Variants in SEMA4A observed in about 807,000 individuals in gnomAD.
The protein encoded by SEMA4A is semaphorin 4A, also known as semaphorin-4A.
A neutral mutation model predicts 72.5 loss-of-function variants in SEMA4A; 52 were observed. The observed-to-expected ratio is 0.72, with a 90% CI of 0.57 to 0.90. The LOEUF is 0.90. Ranked by LOEUF, SEMA4A falls within the 40% of genes least tolerant of loss-of-function variation. The pLI is 0.00. For synonymous variants in SEMA4A, 369 were observed against 393.1 expected, an observed-to-expected ratio of 0.94 and a Z score of 0.73; for missense variants, 926 against 959.7, an observed-to-expected ratio of 0.96 and a Z score of 0.46.
In SEMA4A at chr1:156,177,236, C is replaced by T. The variant is rs576580677; in HGVS notation, c.*239C>T. The stretch of plus-strand genomic sequence containing the variant: ...TCTCTAACAGGGTGGGGGCTACCCC[C>T]AGACCTGCTCCTACACTGATATTGA... On this transcript the variant is annotated 3_prime_UTR_variant, in exon 15 of 15. Coordinates refer to ENST00000368285, the MANE Select transcript of SEMA4A (RefSeq NM_022367.4). 1.4e-5 allele frequency: 8 copies of T among 590,846 alleles called. No individual in the cohort carries two copies. The highest frequency in any genetic ancestry group is 4.6e-4 in the Middle Eastern group (1 of 2,194). The allele number at this position is 590,846 out of a possible 1,614,324, so 36.6% of individuals were successfully genotyped here.
chr1:156,175,682 G>A, intron 14 of SEMA4A, 26 bp downstream of exon 14: 1 of 1,520,752 alleles, frequency 6.6e-7, no homozygotes, highest in East Asian at 2.3e-5. Context: ...CTCACCAGGG[G>A]AGGTGCAAAG....
chr1:156,158,373 C>T lies in SEMA4A; in HGVS notation c.364-15C>T, dbSNP rs751388643. ...GTCAGGTGGCCTGGAGACCTAAATT[C>T]TCTGTCTCCCTCAGACACAGTGTTT... is the stretch of plus-strand genomic sequence containing the variant. On this transcript the variant is annotated splice_polypyrimidine_tract_variant and intron_variant, in intron 4 of 14. Coordinates refer to ENST00000368285, the MANE Select transcript of SEMA4A (RefSeq NM_022367.4). 2.5e-6 allele frequency: 4 copies of T among 1,601,320 alleles called. No individual in the cohort carries two copies. The highest frequency in any genetic ancestry group is 2.2e-5 in the South Asian group (2 of 90,832).
At chr1:156,161,322 C>T (rs771213419) in intron 8 of SEMA4A, 24 bp from the exon 9 acceptor site, 7 of 1,100,034 alleles carry the variant, frequency 6.4e-6, no homozygotes, top group East Asian at 3.5e-5. Context: ...CCGGGGCGCC[C>T]CCTGACTCCC....
At position 156,158,531 on chromosome 1, in the gene SEMA4A, C is replaced by T. The variant is rs1160037725; in HGVS notation, c.462+45C>T. ...GCGCTCAGGCCCCCAAGCATCCCTT[C>T]TCACATCTACCCACGACTTTCCTCT... On this transcript the variant is annotated intron_variant, in intron 5 of 14. Transcript: ENST00000368285. 1.0e-5 allele frequency: 15 copies of T among 1,483,824 alleles called. No homozygotes were observed. In the East Asian group the frequency reaches 3.2e-4, roughly 31 times the overall value. The allele number at this position is 1,483,824 out of a possible 1,614,324, so 91.9% of individuals were successfully genotyped here. A position where few individuals can be genotyped will look rare whatever the true frequency, so the allele number is the denominator to read the frequency against.
rs753442457 is a variant in SEMA4A, at chr1:156,156,590, A to T, written c.300+16A>T. 6.2e-7 allele frequency: 1 copy of T among 1,613,482 alleles called. No individual in the cohort carries two copies. The highest frequency in any genetic ancestry group is 1.1e-5 in the South Asian group (1 of 91,046). Reference sequence around the variant, plus strand: ...AAAGAACATGGTGAGGAGTCCAGGGATAAAGAGTGTGGGCTGGGAGTGAAG... The same window carrying T: ...AAAGAACATGGTGAGGAGTCCAGGGTTAAAGAGTGTGGGCTGGGAGTGAAG... On this transcript the variant is annotated intron_variant, in intron 3 of 14. Transcript: ENST00000368285.
chr1:156,172,356 T>C (rs909306535), intron 10 of SEMA4A, among the ~76,000 whole-genome samples: 1 of 152,036 alleles, frequency 6.6e-6, no homozygotes, highest in African/African-American at 2.4e-5. Context: ...CCTCAGGTGA[T>C]CCACCCACCT....
chr1:156,162,259 C>G (rs1653735949), intron 9 of SEMA4A, among the ~76,000 whole-genome samples: 1 of 151,816 alleles, frequency 6.6e-6, no homozygotes, highest in Non-Finnish European at 1.5e-5. Flanking sequence ...GACTCCGTCT[C>G]AAAAAAAATA....
rs1185083836 is a variant in SEMA4A, at chr1:156,176,456, A to C, written c.1745A>C (p.His582Pro). The C allele has an allele frequency of 9.9e-6, 16 of 1,613,922 alleles. No individual in the cohort carries two copies. The highest frequency in any genetic ancestry group is 1.3e-5 in the Non-Finnish European group (15 of 1,180,000). Reference protein sequence around the residue: ...PNSILELPCPHLSALASYYWS... With the variant: ...PNSILELPCPPLSALASYYWS... ...TCCATCCTGGAGCTCCCCTGCCCCC[A>C]CCTGTCAGCCTTGGCCTCTTATTAT... Residue 582 changes from histidine to proline, a missense_variant, in exon 15 of 15, where the codon CAC (histidine) becomes CCC (proline). By Grantham distance (77) the His-to-Pro change is moderately conservative. Transcript: ENST00000368285.
At chr1:156,173,796 G>A (rs929868579) in intron 11 of SEMA4A, among the ~76,000 whole-genome samples, 2 of 152,136 alleles carry the variant, frequency 1.3e-5, no homozygotes, top group African/African-American at 2.4e-5. Flanking sequence ...GGAGGTTTGA[G>A]GAGAGAGAGG....
chr1:156,154,901 A>C, intron 2 of SEMA4A, 184 bp downstream of exon 2: 4 of 797,908 alleles, frequency 5.0e-6, no homozygotes, highest in Non-Finnish European at 3.8e-6. Flanking sequence ...GAAGTCCAAA[A>C]GGAAAGAAAA....
intron 10 of SEMA4A, among the ~76,000 whole-genome samples, chr1:156,168,447 C>T (rs1300420113): frequency 6.6e-6 from 1 of 152,034 alleles, no homozygotes; most frequent in Non-Finnish European, 1.5e-5. Context: ...TGGTCTCGAA[C>T]TCCTGACCTC....
intron 6 of SEMA4A, 28 bp from the exon 7 acceptor site, chr1:156,160,415 T>A: frequency 6.4e-7 from 1 of 1,557,164 alleles, no homozygotes; most frequent in South Asian, 1.1e-5. Flanking sequence ...ACCCCATCAG[T>A]TCTCTCTTCT....
chr1:156,174,821 G>T lies in SEMA4A; in HGVS notation c.1316-1G>T. 6.2e-7 allele frequency: 1 copy of T among 1,614,192 alleles called. No homozygotes were observed. The highest frequency in any genetic ancestry group is 8.5e-7 in the Non-Finnish European group (1 of 1,180,034). On this transcript the variant is annotated splice_acceptor_variant, in intron 11 of 14. Transcript: ENST00000368285. LOFTEE classifies it high-confidence loss of function. ...CTTCCACTCTCTCTGTCTCCCCATA[G>T]CCACAGGGTCGCTCCACAAGGCTGT...
Position 156,154,668 on chromosome 1 carries a change from C to G in SEMA4A, c.90C>G (p.Thr30=). 6.2e-7 allele frequency: 1 copy of G among 1,602,556 alleles called. No homozygotes were observed. Among genetic ancestry groups the G allele is most frequent in the Non-Finnish European group, 8.5e-7 (1 of 1,175,182 alleles). The change falls in exon 2 of 15, where the codon ACC becomes ACG. Residue 30 remains threonine, a synonymous_variant. Coordinates refer to ENST00000368285, the MANE Select transcript of SEMA4A (RefSeq NM_022367.4). ...QLLQLLLPTT[T]AGGGGQGPMP... is the part of the protein sequence containing the mutation. Reference sequence around the variant, plus strand: ...TTCAGCTGCTGCTGCCGACGACGACCGCGGGGGGAGGCGGGCAGGGGCCCA... The same window carrying G: ...TTCAGCTGCTGCTGCCGACGACGACGGCGGGGGGAGGCGGGCAGGGGCCCA...
chr1:156,163,454 G>T (rs1469891863), intron 10 of SEMA4A, among the ~76,000 whole-genome samples: 1 of 151,988 alleles, frequency 6.6e-6, no homozygotes, highest in Non-Finnish European at 1.5e-5. Flanking sequence ...GGGTGTGGTG[G>T]CTCACACCTG....
rs1181334959 is a variant in SEMA4A, at chr1:156,174,801, ACTCT to A, written c.1316-16_1316-13del. 1.2e-6 allele frequency: 2 copies of A among 1,613,898 alleles called. No individual in the cohort carries two copies. Among genetic ancestry groups the A allele is most frequent in the Non-Finnish European group, 1.7e-6 (2 of 1,179,958 alleles). On this transcript the variant is annotated splice_polypyrimidine_tract_variant and intron_variant, in intron 11 of 14. Transcript: ENST00000368285. ...CTGTGGATGAGATGAGATGACTTCC[ACTCT>A]CTCTGTCTCCCCATAGCCACAGGGT...
At chr1:156,153,222 A>T (rs1429725778), upstream of SEMA4A, 1 of 152,156 alleles carries the variant, frequency 6.6e-6, no homozygotes, top group Non-Finnish European at 1.5e-5. Flanking sequence ...GGGAGGTTTA[A>T]AGGTTAGACC....
chr1:156,168,132 C>T (rs1388948946), intron 10 of SEMA4A, among the ~76,000 whole-genome samples: 1 of 152,092 alleles, frequency 6.6e-6, no homozygotes, highest in African/African-American at 2.4e-5. Context: ...CCATGTTGGC[C>T]AGGCTGATCT....
chr1:156,176,090 A>G (rs1572431300), intron 14 of SEMA4A, among the ~76,000 whole-genome samples: 1 of 152,068 alleles, frequency 6.6e-6, no homozygotes, highest in African/African-American at 2.4e-5. Context: ...TGAGTTTCAG[A>G]CCAGCCTGGC....
Sources: gnomAD v4.1 joint callset for allele counts (sites outside exome capture counted in the v4.1 genomes callset) on GRCh38, gnomAD v4.1.1 for gene constraint, MANE v1.5 for transcripts, NCBI Gene and HGNC (gene_info 2026-07-23, HGNC 2026-07-21) for gene names.